The following SGCG variants were observed in gnomAD, a reference collection of about 807,000 sequenced individuals.
SGCG encodes the protein gamma-sarcoglycan.
SGCG carries 26 observed loss-of-function variants against 29.3 expected under a neutral mutation model. That is an observed-to-expected ratio of 0.89 (90% CI 0.65 to 1.23). The LOEUF (loss-of-function observed/expected upper bound fraction) is 1.23. Ranked by LOEUF, SGCG falls within the 50% of genes most tolerant of loss-of-function variation. The pLI, the probability that SGCG is intolerant of heterozygous loss-of-function variation, is 0.00. For missense variants in SGCG, 353 were observed against 356.0 expected, an observed-to-expected ratio of 0.99 and a Z score of 0.07; for synonymous variants, 145 against 129.7, an observed-to-expected ratio of 1.12 and a Z score of -0.80.
At chr13:23,311,405 A>C (rs1256124003) in intron 6 of SGCG, among the ~76,000 whole-genome samples, 1 of 152,212 alleles carries the variant, frequency 6.6e-6, no homozygotes, top group East Asian at 1.9e-4. Flanking sequence ...CTTCATATGT[A>C]TGTCTTCCTC....
chr13:23,190,237 T>C, intron 1 of SGCG, among the ~76,000 whole-genome samples: 1 of 151,222 alleles, frequency 6.6e-6, no homozygotes, highest in Non-Finnish European at 1.5e-5. Context: ...TGATTGATAA[T>C]ATTAATAATA....
intron 3 of SGCG, among the ~76,000 whole-genome samples, chr13:23,235,211 T>C (rs1879261367): frequency 1.3e-5 from 2 of 151,812 alleles, no homozygotes; most frequent in Admixed American, 6.6e-5. Flanking sequence ...AATACAAAAT[T>C]AGCCAGGCAT....
At chr13:23,172,475 G>C in the SGCG span, among the ~76,000 whole-genome samples, 1 of 152,092 alleles carries the variant, frequency 6.6e-6, no homozygotes, top group Non-Finnish European at 1.5e-5. Flanking sequence ...TGCTGTTGGA[G>C]AATCAACTAC....
Position 23,201,601 on chromosome 13 carries a change from A to G in SGCG, c.1-2094A>G, listed in dbSNP as rs180801447. On this transcript the variant is annotated intron_variant, in intron 1 of 7. Transcript: ENST00000218867. ...CGTCTCCCCTCCACCCTCCAGAAAA[A>G]CACAGCCTTGCCCACGCTTTCATTA... Among the ~76,000 whole-genome samples, 506 of 152,224 alleles carry G rather than the reference A, an allele frequency of 3.3e-3. 2 individuals carry two copies. The highest frequency in any genetic ancestry group is 0.011 in the African/African-American group (477 of 41,558).
rs1361862517 is a variant in SGCG at position 23,268,909 on chromosome 13, A to AC, written c.386-10450_386-10449insC. 4 of 151,790 alleles carry AC rather than the reference A, an allele frequency of 2.6e-5. No homozygotes were observed. In the South Asian group the frequency reaches 6.3e-4, roughly 24 times the overall value. 9.4% of individuals were successfully genotyped at this position (151,790 alleles called of 1,614,324 possible). A position where few individuals can be genotyped will look rare whatever the true frequency, so the allele number is the denominator to read the frequency against. On this transcript the variant is annotated intron_variant, in intron 4 of 7. Transcript: ENST00000218867. ...GGATATTGAACGCTTTAAAAAAAAA[A>AC]AAAACACTCATCTTCAGGAAGACTA...
intron 1 of SGCG, among the ~76,000 whole-genome samples, chr13:23,189,191 G>A (rs926186961): frequency 2.6e-5 from 4 of 152,134 alleles, no homozygotes; most frequent in African/African-American, 9.7e-5. Flanking sequence ...GGAAATGACC[G>A]TTTGGTGGTT....
intron 2 of SGCG, among the ~76,000 whole-genome samples, chr13:23,208,021 A>G (rs1878046495): frequency 6.6e-6 from 1 of 152,146 alleles, no homozygotes; most frequent in Non-Finnish European, 1.5e-5. Context: ...TTTCTTGAAC[A>G]TTAACATCCC....
intron 4 of SGCG, among the ~76,000 whole-genome samples, chr13:23,271,964 T>G (rs1170784590): frequency 1.3e-5 from 2 of 152,220 alleles, no homozygotes; most frequent in African/African-American, 4.8e-5. Context: ...ATTTTAACTT[T>G]TGTTTGTATG....
intron 2 of SGCG, among the ~76,000 whole-genome samples, chr13:23,228,869 G>T (rs1018192973): frequency 1.3e-5 from 2 of 151,948 alleles, no homozygotes; most frequent in Non-Finnish European, 2.9e-5. Flanking sequence ...CCAGTCTACT[G>T]TTTCTTTATT....
At chr13:23,192,130 G>A (rs12866738) in intron 1 of SGCG, among the ~76,000 whole-genome samples, 26,735 of 148,226 alleles carry the variant, frequency 0.18, 2,996 homozygotes, top group East Asian at 0.45. Flanking sequence ...AGCCGAGATC[G>A]CGCCATTGCA....
chr13:23,220,313 T>C (rs574507253), intron 2 of SGCG, among the ~76,000 whole-genome samples: 11 of 152,082 alleles, frequency 7.2e-5, no homozygotes, highest in African/African-American at 2.2e-4. Flanking sequence ...TAGCCGGGCG[T>C]GTGGTGCATG....
At chr13:23,225,115 C>A (rs1468222707) in intron 2 of SGCG, among the ~76,000 whole-genome samples, 1 of 152,170 alleles carries the variant, frequency 6.6e-6, no homozygotes, top group Non-Finnish European at 1.5e-5. Flanking sequence ...AACCTCAGCA[C>A]CTTCCACCAC....
intron 4 of SGCG, among the ~76,000 whole-genome samples, chr13:23,278,645 G>T (rs377442157): frequency 9.9e-5 from 15 of 152,168 alleles, no homozygotes; most frequent in African/African-American, 3.4e-4. Flanking sequence ...AGTGGGAGGT[G>T]TGACCTCACC....
chr13:23,293,724 C>G (rs1352685126), intron 5 of SGCG, among the ~76,000 whole-genome samples: 1 of 151,744 alleles, frequency 6.6e-6, no homozygotes, highest in East Asian at 1.9e-4. Context: ...CCCAGCTACT[C>G]AGGAGGCTGA....
chr13:23,253,002 C>G (rs1229772635), intron 4 of SGCG, among the ~76,000 whole-genome samples: 6 of 151,498 alleles, frequency 4.0e-5, no homozygotes, highest in Non-Finnish European at 8.8e-5. Context: ...AGTAACTGTT[C>G]TAGTTGCTTC....
chr13:23,177,379 A>G (rs1876590617), upstream of SGCG, among the ~76,000 whole-genome samples: 1 of 152,196 alleles, frequency 6.6e-6, no homozygotes, highest in South Asian at 2.1e-4. Flanking sequence ...CCCACCTTAA[A>G]GAAATTATAA....
chr13:23,304,992 C>T (rs1322717512), intron 6 of SGCG, among the ~76,000 whole-genome samples: 2 of 9,904 alleles, frequency 2.0e-4, no homozygotes, highest in Non-Finnish European at 3.0e-4. Flanking sequence ...CAGGCGTGCA[C>T]GTGCTCACAC....
intron 2 of SGCG, 144 bp downstream of exon 2, chr13:23,204,033 A>C: frequency 1.5e-6 from 1 of 684,270 alleles, no homozygotes; most frequent in South Asian, 1.7e-5. Flanking sequence ...CAAAATATGT[A>C]TGTAGCATTT....
chr13:23,242,888 C>G (rs541151592), intron 3 of SGCG, among the ~76,000 whole-genome samples: 1 of 151,934 alleles, frequency 6.6e-6, no homozygotes, highest in South Asian at 2.1e-4. Context: ...AAACAAAAAC[C>G]TGGAAATCAC....
Sources: gnomAD v4.1 joint callset for allele counts (sites outside exome capture counted in the v4.1 genomes callset) on GRCh38, gnomAD v4.1.1 for gene constraint, MANE v1.5 for transcripts, NCBI Gene and HGNC (gene_info 2026-07-23, HGNC 2026-07-21) for gene names.